The following SLC24A3 variants were observed in gnomAD, a reference collection of about 807,000 sequenced individuals.
SLC24A3 encodes solute carrier family 24 member 3.
Under a neutral mutation model 75.8 loss-of-function variants are expected in SLC24A3, and 28 were observed. That is an observed-to-expected ratio of 0.37 (90% CI 0.27 to 0.51). SLC24A3 has a LOEUF of 0.51. SLC24A3 is among the 20% of genes least tolerant of loss of function. SLC24A3 has a pLI of 0.94. For missense variants in SLC24A3, 663 were observed against 847.8 expected, an observed-to-expected ratio of 0.78 and a Z score of 2.71; for synonymous variants, 372 against 334.1, an observed-to-expected ratio of 1.11 and a Z score of -1.24.
At chr20:19,552,450 A>G (rs1400488811) in intron 3 of SLC24A3, among the ~76,000 whole-genome samples, 1 of 152,232 alleles carries the variant, frequency 6.6e-6, no homozygotes, top group Non-Finnish European at 1.5e-5. Flanking sequence ...TCTTTAGAAT[A>G]TAGCTGCTCC....
intron 14 of SLC24A3, among the ~76,000 whole-genome samples, chr20:19,698,228 A>T (rs1037409469): frequency 2.0e-5 from 3 of 152,182 alleles, no homozygotes; most frequent in Non-Finnish European, 4.4e-5. Flanking sequence ...CCATAATCCA[A>T]TCACTTCCCG....
chr20:19,653,325 G>A (rs555800714), intron 6 of SLC24A3, among the ~76,000 whole-genome samples: 8 of 152,328 alleles, frequency 5.3e-5, no homozygotes, highest in South Asian at 2.1e-4. Context: ...AGCAGAGCCA[G>A]CATCTCTTTA....
At chr20:19,237,455 TG>T (rs1331801217) in intron 1 of SLC24A3, among the ~76,000 whole-genome samples, 4 of 152,184 alleles carry the variant, frequency 2.6e-5, no homozygotes, top group African/African-American at 9.7e-5. Context: ...TTTCAAGTCA[TG>T]GGAATCTGTG....
intron 1 of SLC24A3, among the ~76,000 whole-genome samples, chr20:19,235,352 G>A (rs1011796073): frequency 6.6e-6 from 1 of 152,194 alleles, no homozygotes; most frequent in South Asian, 2.1e-4. Context: ...GACCAGCTGC[G>A]GCTCTGGGTC....
At chr20:19,439,866 A>G (rs2122465939) in intron 2 of SLC24A3, among the ~76,000 whole-genome samples, 1 of 152,258 alleles carries the variant, frequency 6.6e-6, no homozygotes, top group South Asian at 2.1e-4. Flanking sequence ...AAGGGGAGAG[A>G]GAGGTTGAAT....
intron 2 of SLC24A3, among the ~76,000 whole-genome samples, chr20:19,416,523 A>G (rs1303465101): frequency 1.3e-5 from 2 of 152,184 alleles, no homozygotes; most frequent in Non-Finnish European, 2.9e-5. Context: ...CTCACAGACA[A>G]GGACACCAGT....
At chr20:19,492,493 C>T (rs1303559722) in intron 2 of SLC24A3, among the ~76,000 whole-genome samples, 3 of 152,170 alleles carry the variant, frequency 2.0e-5, no homozygotes, top group African/African-American at 7.2e-5. Context: ...GGAGTTCTTA[C>T]AGTCATTCAT....
intron 2 of SLC24A3, among the ~76,000 whole-genome samples, chr20:19,353,443 A>ACACT (rs1381560624): frequency 6.6e-6 from 1 of 152,234 alleles, no homozygotes; most frequent in Non-Finnish European, 1.5e-5. Context: ...TACACTCTTT[A>ACACT]GTAGGTGACA....
chr20:19,440,656 T>G (rs975566728), intron 2 of SLC24A3, among the ~76,000 whole-genome samples: 11 of 151,780 alleles, frequency 7.2e-5, no homozygotes, highest in South Asian at 4.2e-4. Context: ...TTTTTTTTTT[T>G]TTTTTTTTTT....
intron 2 of SLC24A3, among the ~76,000 whole-genome samples, chr20:19,287,419 G>C (rs1983841830): frequency 6.6e-6 from 1 of 152,214 alleles, no homozygotes; most frequent in Non-Finnish European, 1.5e-5. Flanking sequence ...AATGTAGAAA[G>C]AAGAAGAAAC....
chr20:19,352,830 C>G (rs1209557003), intron 2 of SLC24A3, among the ~76,000 whole-genome samples: 1 of 152,172 alleles, frequency 6.6e-6, no homozygotes, highest in Non-Finnish European at 1.5e-5. Context: ...CTTTTATTGT[C>G]ATGTGTCTTG....
chr20:19,658,104 T>C (rs985832454), intron 7 of SLC24A3, among the ~76,000 whole-genome samples: 11 of 152,160 alleles, frequency 7.2e-5, no homozygotes, highest in African/African-American at 2.4e-4. Flanking sequence ...AAGTCAGGAT[T>C]AAGCAGGACC....
intron 2 of SLC24A3, among the ~76,000 whole-genome samples, chr20:19,358,574 C>T (rs1985731357): frequency 6.6e-6 from 1 of 152,108 alleles, no homozygotes; most frequent in Admixed American, 6.6e-5. Flanking sequence ...TTAAGAAATC[C>T]AAAGGTGTCC....
At chr20:19,387,123 T>G (rs1352656847) in intron 2 of SLC24A3, among the ~76,000 whole-genome samples, 1 of 152,184 alleles carries the variant, frequency 6.6e-6, no homozygotes, top group Non-Finnish European at 1.5e-5. Flanking sequence ...TTATCCAATT[T>G]GTTGTTACAT....
intron 3 of SLC24A3, among the ~76,000 whole-genome samples, chr20:19,520,660 C>A (rs1350917258): frequency 6.6e-6 from 1 of 152,178 alleles, no homozygotes; most frequent in African/African-American, 2.4e-5. Flanking sequence ...CCATTAACAT[C>A]ACTCCTTTTG....
At chr20:19,425,033 A>G (rs1986981750) in intron 2 of SLC24A3, among the ~76,000 whole-genome samples, 1 of 152,176 alleles carries the variant, frequency 6.6e-6, no homozygotes, top group South Asian at 2.1e-4. Flanking sequence ...GGCTGGGCAC[A>G]GTGACTTACA....
chr20:19,574,585 C>T (rs948834126), intron 3 of SLC24A3, among the ~76,000 whole-genome samples: 4 of 152,180 alleles, frequency 2.6e-5, no homozygotes, highest in Non-Finnish European at 5.9e-5. Context: ...ACTGAGGTGA[C>T]CTGTCTGTAC....
At chr20:19,286,126 C>G (rs753986401) in intron 2 of SLC24A3, among the ~76,000 whole-genome samples, 2 of 152,106 alleles carry the variant, frequency 1.3e-5, no homozygotes, top group East Asian at 1.9e-4. Context: ...CCTAAGGCCT[C>G]GAAAAGTGAA....
intron 6 of SLC24A3, among the ~76,000 whole-genome samples, chr20:19,610,614 G>C (rs1022915563): frequency 4.6e-5 from 7 of 152,248 alleles, no homozygotes; most frequent in African/African-American, 1.7e-4. Flanking sequence ...GAAACACTGA[G>C]TGGGGAGTGG....
Sources: gnomAD v4.1 joint callset for allele counts (sites outside exome capture counted in the v4.1 genomes callset) on GRCh38, gnomAD v4.1.1 for gene constraint, MANE v1.5 for transcripts, NCBI Gene and HGNC (gene_info 2026-07-23, HGNC 2026-07-21) for gene names.